RPF1: variants seen among roughly 807,000 people sequenced by gnomAD.
RPF1 encodes the protein ribosome production factor 1 homolog, also known as ribosome production factor 1.
A neutral mutation model predicts 41.9 loss-of-function variants in RPF1; 34 were observed. The observed-to-expected ratio is 0.81, with a 90% CI of 0.62 to 1.08. The LOEUF is 1.08. RPF1 is among the 50% of genes least tolerant of loss of function. The pLI, the probability that RPF1 is intolerant of heterozygous loss-of-function variation, is 0.00. For synonymous variants in RPF1, 140 were observed against 148.9 expected, an observed-to-expected ratio of 0.94 and a Z score of 0.43; for missense variants, 425 against 435.2, an observed-to-expected ratio of 0.98 and a Z score of 0.21.
chr1:84,486,612 A>ATAGGAAAATGAT (rs1681745142), intron 3 of RPF1, among the ~76,000 whole-genome samples: 1 of 148,528 alleles, frequency 6.7e-6, no homozygotes, highest in South Asian at 2.2e-4. Context: ...AAAAAAAAGA[A>ATAGGAAAATGAT]TAGGAAAATG....
intron 3 of RPF1, among the ~76,000 whole-genome samples, chr1:84,487,369 G>C (rs1570347940): frequency 6.6e-6 from 1 of 152,088 alleles, no homozygotes; most frequent in African/African-American, 2.4e-5. Context: ...GTATTTCCTT[G>C]TTTTCTAATG....
intron 3 of RPF1, among the ~76,000 whole-genome samples, chr1:84,487,649 A>C (rs957894539): frequency 3.9e-5 from 6 of 152,130 alleles, no homozygotes; most frequent in African/African-American, 1.4e-4. Flanking sequence ...GTAATATTTA[A>C]GAAACTTTTC....
intron 8 of RPF1, among the ~76,000 whole-genome samples, chr1:84,497,212 G>T (rs1570356248): frequency 6.6e-6 from 1 of 150,580 alleles, no homozygotes; most frequent in Non-Finnish European, 1.5e-5. Context: ...ACTTCACTTA[G>T]TAACATTTTA....
intron 3 of RPF1, among the ~76,000 whole-genome samples, chr1:84,484,590 G>A (rs1023292684): frequency 2.0e-4 from 30 of 151,922 alleles, no homozygotes; most frequent in African/African-American, 6.3e-4. Flanking sequence ...ATATGAGTTC[G>A]CCTGGGGTTT....
intron 5 of RPF1, 50 bp downstream of exon 5, chr1:84,490,522 C>T (rs748639213): frequency 7.9e-7 from 1 of 1,264,030 alleles, no homozygotes; most frequent in Non-Finnish European, 1.1e-6. Context: ...CCTCACCCCC[C>T]TTAAAAATAT....
chr1:84,497,598 A>G lies in RPF1; in HGVS notation c.*128A>G, dbSNP rs1681965065. The G allele has an allele frequency of 1.8e-6, 1 of 558,426 alleles. No individual in the cohort carries two copies. Among genetic ancestry groups the G allele is most frequent in the Non-Finnish European group, 3.0e-6 (1 of 328,764 alleles). 34.6% of individuals were successfully genotyped at this position (558,426 alleles called of 1,614,324 possible). On this transcript the variant is annotated 3_prime_UTR_variant, in exon 9 of 9. Transcript: ENST00000370654. The stretch of plus-strand genomic sequence containing the variant: ...TCATAAACCTTTCACGTCTGGACGA[A>G]TTACCAAATGCCATGAATTGCCACT...
At chr1:84,497,267 T>G (rs1372253418) in intron 8 of RPF1, among the ~76,000 whole-genome samples, 162 bp from the exon 9 acceptor site, 1 of 151,782 alleles carries the variant, frequency 6.6e-6, no homozygotes, top group Non-Finnish European at 1.5e-5. Context: ...TCTTTTATAT[T>G]AGACCGAAGA....
At chr1:84,486,304 G>A (rs1025018248) in intron 3 of RPF1, among the ~76,000 whole-genome samples, 10 of 151,784 alleles carry the variant, frequency 6.6e-5, no homozygotes, top group African/African-American at 2.4e-4. Context: ...GAAGAATGAC[G>A]TGGCCGGGCA....
At chr1:84,490,195 T>C in intron 4 of RPF1, 124 bp from the exon 5 acceptor site, 1 of 637,580 alleles carries the variant, frequency 1.6e-6, no homozygotes, top group Non-Finnish European at 2.5e-6. Flanking sequence ...AGTTTCATGC[T>C]TTCCTCAATG....
At chr1:84,492,131 A>T (rs961088075) in intron 5 of RPF1, among the ~76,000 whole-genome samples, 18 of 150,738 alleles carry the variant, frequency 1.2e-4, no homozygotes, top group Admixed American at 6.6e-5. Context: ...ACTGCACTCC[A>T]GCCTGGGTGA....
intron 5 of RPF1, among the ~76,000 whole-genome samples, chr1:84,492,607 A>G (rs1301771309): frequency 6.6e-6 from 1 of 152,258 alleles, no homozygotes; most frequent in Admixed American, 6.5e-5. Context: ...TTTATAAAGC[A>G]TAGTGTCTGG....
chr1:84,485,244 T>A (rs956734831), intron 3 of RPF1, among the ~76,000 whole-genome samples: 3 of 151,986 alleles, frequency 2.0e-5, no homozygotes, highest in African/African-American at 7.3e-5. Flanking sequence ...GACTACAGGC[T>A]CACACTGCCA....
At chr1:84,492,169 A>C (rs1328465592) in intron 5 of RPF1, among the ~76,000 whole-genome samples, 2 of 152,184 alleles carry the variant, frequency 1.3e-5, no homozygotes, top group Non-Finnish European at 2.9e-5. Context: ...AAAAAAAAAA[A>C]AATGGTGATT....
intron 5 of RPF1, among the ~76,000 whole-genome samples, chr1:84,492,022 G>T (rs563409075): frequency 7.9e-5 from 12 of 152,076 alleles, no homozygotes; most frequent in Non-Finnish European, 1.2e-4. Context: ...TTAGTTGGGC[G>T]TGTTGGTGCA....
At position 84,487,382 on chromosome 1, in the gene RPF1, G is replaced by A. The variant is rs1025296002; in HGVS notation, c.367-2251G>A. On this transcript the variant is annotated intron_variant, in intron 3 of 8. Transcript: ENST00000370654. The stretch of plus-strand genomic sequence containing the variant: ...TTGTATTTCCTTGTTTTCTAATGTT[G>A]AGCATCATTTAATATAAGTTGTTTT... Among the ~76,000 whole-genome samples, 6 of 152,226 alleles carry A rather than the reference G, an allele frequency of 3.9e-5. No homozygotes were observed. In the East Asian group the frequency reaches 9.6e-4, roughly 24 times the overall value.
chr1:84,482,353 A>G (rs1681665064), intron 2 of RPF1, among the ~76,000 whole-genome samples: 1 of 152,200 alleles, frequency 6.6e-6, no homozygotes, highest in Non-Finnish European at 1.5e-5. Flanking sequence ...ATGTTTAGTC[A>G]TTACCTTGTT....
rs1681974606 is a variant in RPF1, at chr1:84,497,981, T to C, written c.*511T>C. On this transcript the variant is annotated 3_prime_UTR_variant, in exon 9 of 9. Coordinates refer to ENST00000370654, the MANE Select transcript of RPF1 (RefSeq NM_025065.7). The stretch of plus-strand genomic sequence containing the variant: ...CAAAGTTGCAAATTACTGAAGCTAA[T>C]CTTTGCTTCCTGATTTTGAGGTTTT... Among the ~76,000 whole-genome samples the C allele has an allele frequency of 6.6e-6, 1 of 152,254 alleles. No individual in the cohort carries two copies. The highest frequency in any genetic ancestry group is 2.1e-4 in the South Asian group (1 of 4,838).
intron 3 of RPF1, among the ~76,000 whole-genome samples, chr1:84,486,587 CAAAAAAAAAAAA>C (rs896267195): frequency 3.1e-5 from 2 of 64,534 alleles, no homozygotes; most frequent in African/African-American, 1.1e-4. Context: ...GACTCCGTCT[CAAAAAAAAAAAA>C]AAAAAAAAAA....
intron 4 of RPF1, 96 bp downstream of exon 4, chr1:84,489,824 T>C: frequency 1.4e-6 from 1 of 699,750 alleles, no homozygotes; most frequent in South Asian, 1.7e-5. Flanking sequence ...ATTAGTTAAT[T>C]GCCTTAAAGA....
Sources: gnomAD v4.1 joint callset for allele counts (sites outside exome capture counted in the v4.1 genomes callset) on GRCh38, gnomAD v4.1.1 for gene constraint, MANE v1.5 for transcripts, NCBI Gene and HGNC (gene_info 2026-07-23, HGNC 2026-07-21) for gene names.